MN1: variants seen among roughly 807,000 people sequenced by gnomAD.
MN1 encodes the protein transcriptional activator MN1.
A neutral mutation model predicts 86.9 loss-of-function variants in MN1; 19 were observed. The observed-to-expected ratio is 0.22, with a 90% CI of 0.15 to 0.32. The LOEUF is 0.32. Among genes scored for constraint, MN1 ranks in the 10% least tolerant of loss-of-function variants. MN1 has a pLI of 1.00. For missense variants in MN1, 1,841 were observed against 1,862.0 expected, an observed-to-expected ratio of 0.99 and a Z score of 0.21; for synonymous variants, 928 against 849.6, an observed-to-expected ratio of 1.09 and a Z score of -1.60.
chr22:27,763,627 G>C (rs1200328760), intron 1 of MN1, among the ~76,000 whole-genome samples: 10 of 152,194 alleles, frequency 6.6e-5, no homozygotes. Flanking sequence ...CCCAAGCCTG[G>C]GCCTAGGGCA....
intron 1 of MN1, among the ~76,000 whole-genome samples, chr22:27,778,869 G>T (rs191662913): frequency 6.6e-6 from 1 of 152,342 alleles, no homozygotes; most frequent in Non-Finnish European, 1.5e-5. Flanking sequence ...AGACCACAGC[G>T]GCCCAGGCAA....
Position 27,795,726 on chromosome 22 carries a change from C to T in MN1, c.3781+1037G>A, listed in dbSNP as rs868614237. Among the ~76,000 whole-genome samples the T allele has an allele frequency of 8.4e-3, 1,279 of 151,880 alleles. 30 individuals are homozygous for T. The highest frequency in any genetic ancestry group is 0.029 in the African/African-American group (1,214 of 41,378). ...CTATATATACACCTATATATATACACACACACACACACACGCACTTTATAT... is the reference window on the plus strand; with the variant it reads ...CTATATATACACCTATATATATACATACACACACACACACGCACTTTATAT... On this transcript the variant is annotated intron_variant, in intron 1 of 1. Transcript: ENST00000302326.
intron 1 of MN1, among the ~76,000 whole-genome samples, chr22:27,770,942 G>A (rs1601329495): frequency 6.6e-6 from 1 of 151,934 alleles, no homozygotes; most frequent in African/African-American, 2.4e-5. Context: ...TTACAGGCGG[G>A]AGCCACCACA....
At chr22:27,794,137 C>T (rs898560330) in intron 1 of MN1, among the ~76,000 whole-genome samples, 6 of 151,956 alleles carry the variant, frequency 3.9e-5, no homozygotes, top group Non-Finnish European at 5.9e-5. Context: ...GTCTCTATTT[C>T]GAAGTGGCAC....
chr22:27,786,032 A>G (rs887461422), intron 1 of MN1, among the ~76,000 whole-genome samples: 4 of 152,166 alleles, frequency 2.6e-5, no homozygotes, highest in African/African-American at 9.7e-5. Flanking sequence ...TCTGGCCCTC[A>G]CTCTGCAAAG....
chr22:27,779,251 T>C (rs1422378182), intron 1 of MN1, among the ~76,000 whole-genome samples: 5 of 152,156 alleles, frequency 3.3e-5, no homozygotes, highest in Non-Finnish European at 1.5e-5. Context: ...AGGTACCAGC[T>C]ATACCGGCAG....
At chr22:27,792,708 C>G (rs573946109) in intron 1 of MN1, among the ~76,000 whole-genome samples, 1 of 151,998 alleles carries the variant, frequency 6.6e-6, no homozygotes, top group Non-Finnish European at 1.5e-5. Context: ...TTAACACCTG[C>G]GAAGTTTTGG....
Position 27,798,456 on chromosome 22 carries a change from A to G in MN1, c.2088T>C (p.Pro696=). 1 of 1,564,854 alleles carries G rather than the reference A, an allele frequency of 6.4e-7. No homozygotes were observed. The highest frequency in any genetic ancestry group is 8.6e-7 in the Non-Finnish European group (1 of 1,164,772). The change falls in exon 1 of 2, where the codon CCT becomes CCC. Residue 696 remains proline (P), a synonymous_variant. Transcript: ENST00000302326. ...MPGEGHVPAL[P]SPGLQFGGSL... ...TGCCCCCGAACTGCAGGCCCGGTGA[A>G]GGCAGCGCGGGCACGTGGCCCTCTC...
chr22:27,784,441 A>C (rs979851600), intron 1 of MN1, among the ~76,000 whole-genome samples: 3 of 152,186 alleles, frequency 2.0e-5, no homozygotes, highest in Non-Finnish European at 4.4e-5. Context: ...AATGTCAAAA[A>C]TCTCAGACGC....
intron 1 of MN1, among the ~76,000 whole-genome samples, chr22:27,795,580 T>C (rs1933280068): frequency 6.6e-6 from 1 of 152,054 alleles, no homozygotes; most frequent in Non-Finnish European, 1.5e-5. Flanking sequence ...TGATAGTCTG[T>C]CTAGGGAAAC....
chr22:27,800,721 T>G lies in MN1; in HGVS notation c.-178A>C. The stretch of plus-strand genomic sequence containing the variant: ...GAGGGACGGGGGGCGGGGTATTAGC[T>G]CCTCTCCTGAAGCTCCGATTCTGCC... On this transcript the variant is annotated 5_prime_UTR_variant, in exon 1 of 2. Transcript: ENST00000302326. The G allele has an allele frequency of 1.4e-6, 1 of 704,048 alleles. No individual in the cohort carries two copies. The highest frequency in any genetic ancestry group is 2.3e-6 in the Non-Finnish European group (1 of 428,194). The allele number at this position is 704,048 out of a possible 1,614,324, so 43.6% of individuals were successfully genotyped here. A position where few individuals can be genotyped will look rare whatever the true frequency, so the allele number is the denominator to read the frequency against.
In MN1 at chr22:27,748,912, A is replaced by G. The variant is rs993448938; in HGVS notation, c.*2003T>C. The G allele has an allele frequency of 4.3e-6, 1 of 229,926 alleles. No individual in the cohort carries two copies. The highest frequency in any genetic ancestry group is 2.2e-5 in the African/African-American group (1 of 45,144). 14.2% of individuals were successfully genotyped at this position (229,926 alleles called of 1,614,324 possible). A position where few individuals can be genotyped will look rare whatever the true frequency, so the allele number is the denominator to read the frequency against. On this transcript the variant is annotated 3_prime_UTR_variant, in exon 2 of 2. Coordinates refer to ENST00000302326, the MANE Select transcript of MN1 (RefSeq NM_002430.3). ...TGATGAGGCTCTCAAACAGCTGTACACTGCAGAATCAGAGGGGTCATGGAG... is the reference window on the plus strand; with the variant it reads ...TGATGAGGCTCTCAAACAGCTGTACGCTGCAGAATCAGAGGGGTCATGGAG...
chr22:27,793,439 C>T (rs1933242654), intron 1 of MN1, among the ~76,000 whole-genome samples: 1 of 151,056 alleles, frequency 6.6e-6, no homozygotes, highest in African/African-American at 2.5e-5. Flanking sequence ...ATATAATTCT[C>T]ACCAATTTAA....
Position 27,750,647 on chromosome 22 carries a change from G to C in MN1, c.*268C>G, listed in dbSNP as rs1207821035. 5 of 321,978 alleles carry C rather than the reference G, an allele frequency of 1.6e-5. No individual in the cohort carries two copies. Among genetic ancestry groups the C allele is most frequent in the African/African-American group, 1.1e-4 (5 of 47,424 alleles). 19.9% of individuals were successfully genotyped at this position (321,978 alleles called of 1,614,324 possible). A position where few individuals can be genotyped will look rare whatever the true frequency, so the allele number is the denominator to read the frequency against. ...AGGAAAAAGGCTTAAGCAAAAGTTT[G>C]CTAACTGCAGAAGGGTTAACACTGG... On this transcript the variant is annotated 3_prime_UTR_variant, in exon 2 of 2. Coordinates refer to ENST00000302326, the MANE Select transcript of MN1 (RefSeq NM_002430.3).
chr22:27,751,921 C>G (rs1932768113), intron 1 of MN1, among the ~76,000 whole-genome samples: 1 of 152,158 alleles, frequency 6.6e-6, no homozygotes, highest in Non-Finnish European at 1.5e-5. Context: ...TCTGAAGGTT[C>G]TGCCCCTCAT....
chr22:27,781,996 C>T (rs1349654065), intron 1 of MN1, among the ~76,000 whole-genome samples: 2 of 152,114 alleles, frequency 1.3e-5, no homozygotes, highest in Non-Finnish European at 2.9e-5. Context: ...TTGACTCGGG[C>T]TCCTGGCAAA....
intron 1 of MN1, among the ~76,000 whole-genome samples, chr22:27,760,268 C>T (rs1932826171): frequency 6.6e-6 from 1 of 152,044 alleles, no homozygotes; most frequent in African/African-American, 2.4e-5. Context: ...TCGCTTGAAC[C>T]CAGAAGGCAG....
chr22:27,751,039 C>T lies in MN1; in HGVS notation c.3839G>A (p.Cys1280Tyr), dbSNP rs1400633556. 6.2e-6 allele frequency: 10 copies of T among 1,604,186 alleles called. No homozygotes were observed. Among genetic ancestry groups the T allele is most frequent in the Middle Eastern group, 3.4e-4 (2 of 5,928 alleles). ...GTCGTCTGTGCAGTGGACAGACAGG[C>T]ACTGCAAGTGGCTGCCAGGCTGGGA... ...SASQPGSHLQ[C>Y]LSVHCTDDVG... Residue 1280 changes from cysteine (C) to tyrosine (Y), a missense_variant, in exon 2 of 2, where the codon TGC (cysteine) becomes TAC (tyrosine). Physicochemically the swap from Cys to Tyr is radical, Grantham distance 194. Transcript: ENST00000302326.
intron 1 of MN1, among the ~76,000 whole-genome samples, chr22:27,794,788 T>G (rs1157005531): frequency 6.7e-6 from 1 of 149,580 alleles, no homozygotes; most frequent in Non-Finnish European, 1.5e-5. Flanking sequence ...ACTGTTTTTC[T>G]TAAATGGATT....
Sources: gnomAD v4.1 joint callset for allele counts (sites outside exome capture counted in the v4.1 genomes callset) on GRCh38, gnomAD v4.1.1 for gene constraint, MANE v1.5 for transcripts, NCBI Gene and HGNC (gene_info 2026-07-23, HGNC 2026-07-21) for gene names.